The following PDE11A variants were observed in gnomAD, a reference collection of about 807,000 sequenced individuals.
PDE11A encodes dual 3',5'-cyclic-AMP and -GMP phosphodiesterase 11A.
In PDE11A, 100 loss-of-function variants were observed where a neutral mutation model predicts 100.5. The observed-to-expected ratio is 1.00, with a 90% CI of 0.85 to 1.18. PDE11A has a LOEUF of 1.18. PDE11A is among the 50% of genes most tolerant of loss of function. PDE11A has a pLI of 0.00. For synonymous variants in PDE11A, 381 were observed against 420.8 expected (o/e 0.91, Z 1.16); for missense variants, 1,141 against 1,152.6 (o/e 0.99, Z 0.15).
At chr2:178,045,897 G>A (rs2086743684) in intron 1 of PDE11A, among the ~76,000 whole-genome samples, 1 of 152,176 alleles carries the variant, frequency 6.6e-6, no homozygotes, top group Non-Finnish European at 1.5e-5. Flanking sequence ...TTCATGGACA[G>A]GAATCCAGCC....
chr2:177,959,617 G>C (rs1057263243), intron 2 of PDE11A, among the ~76,000 whole-genome samples: 1 of 152,178 alleles, frequency 6.6e-6, no homozygotes, highest in Non-Finnish European at 1.5e-5. Context: ...TGATTAATTT[G>C]AGTAGTGAGA....
intron 2 of PDE11A, among the ~76,000 whole-genome samples, chr2:177,983,293 T>C (rs768924882): frequency 4.6e-5 from 7 of 152,180 alleles, no homozygotes; most frequent in Non-Finnish European, 1.0e-4. Flanking sequence ...GTGCTAGGGA[T>C]GCACTTCTTA....
At chr2:177,925,164 A>G (rs1443653608) in intron 2 of PDE11A, among the ~76,000 whole-genome samples, 1 of 150,792 alleles carries the variant, frequency 6.6e-6, no homozygotes, top group African/African-American at 2.4e-5. Flanking sequence ...AGTCTTTGCT[A>G]TTGTGAATAA....
chr2:177,857,794 T>C (rs4324348), intron 5 of PDE11A, among the ~76,000 whole-genome samples: 31,100 of 151,966 alleles, frequency 0.2, 3,341 homozygotes, highest in Middle Eastern at 0.27. Context: ...ACAAGGGACA[T>C]ACTTTAGATT....
intron 10 of PDE11A, among the ~76,000 whole-genome samples, chr2:177,765,571 T>C (rs2082227878): frequency 6.6e-6 from 1 of 152,190 alleles, no homozygotes; most frequent in Non-Finnish European, 1.5e-5. Context: ...CTGCCACGGG[T>C]CCGTAGTGAT....
At chr2:177,785,677 C>G (rs952638253) in intron 9 of PDE11A, among the ~76,000 whole-genome samples, 8 of 152,324 alleles carry the variant, frequency 5.3e-5, no homozygotes, top group Non-Finnish European at 8.8e-5. Flanking sequence ...CGGGTCACTC[C>G]CACCCTAATA....
chr2:177,835,525 C>T (rs1322993602), intron 6 of PDE11A, among the ~76,000 whole-genome samples: 3 of 152,192 alleles, frequency 2.0e-5, no homozygotes, highest in Non-Finnish European at 4.4e-5. Flanking sequence ...TGCTGGCAGC[C>T]CTCGCTTGCT....
intron 6 of PDE11A, among the ~76,000 whole-genome samples, chr2:177,822,380 T>A (rs922010389): frequency 1.3e-5 from 2 of 151,968 alleles, no homozygotes; most frequent in East Asian, 3.8e-4. Flanking sequence ...TGTGCCATCA[T>A]TTTCATTAAT....
intron 2 of PDE11A, among the ~76,000 whole-genome samples, chr2:178,079,228 T>C (rs1364789556): frequency 1.3e-5 from 2 of 152,120 alleles, no homozygotes; most frequent in African/African-American, 4.8e-5. Context: ...GCTGCACAGA[T>C]CAACACATCA....
At chr2:177,862,713 T>A (rs192179594) in intron 5 of PDE11A, among the ~76,000 whole-genome samples, 2 of 151,954 alleles carry the variant, frequency 1.3e-5, no homozygotes, top group Non-Finnish European at 2.9e-5. Flanking sequence ...AGATATCCTA[T>A]GCTCCTGGAT....
intron 7 of PDE11A, among the ~76,000 whole-genome samples, chr2:177,819,874 C>T (rs1328101431): frequency 1.4e-5 from 2 of 140,882 alleles, no homozygotes; most frequent in African/African-American, 6.0e-5. Context: ...CTCTTTCTCT[C>T]TCTCTCTCTC....
At chr2:177,872,684 G>A (rs534751905) in intron 5 of PDE11A, among the ~76,000 whole-genome samples, 1 of 152,136 alleles carries the variant, frequency 6.6e-6, no homozygotes, top group Non-Finnish European at 1.5e-5. Context: ...GAGGACTAAA[G>A]TATCTAATAG....
Position 177,728,108 on chromosome 2 carries a change from A to G in PDE11A, c.1853T>C (p.Leu618Pro), listed in dbSNP as rs1312089486. 3 of 1,612,584 alleles carry G rather than the reference A, an allele frequency of 1.9e-6. No individual in the cohort carries two copies. The highest frequency in any genetic ancestry group is 2.5e-6 in the Non-Finnish European group (3 of 1,178,758). The stretch of plus-strand genomic sequence containing the variant: ...AGCTGTGATCATGGCATCAACGTCG[A>G]GAGAAAAGTCATCAAAATGAATGTC... ...IDDIHFDDFS[L>P]DVDAMITAAL... The change falls in exon 11 of 20, where the codon CTC (leucine) becomes CCC (proline). Residue 618 changes from leucine (L) to proline (P), a missense_variant. Transcript: ENST00000286063.
chr2:177,718,131 T>C (rs2081470325), intron 12 of PDE11A, among the ~76,000 whole-genome samples: 1 of 152,240 alleles, frequency 6.6e-6, no homozygotes, highest in Non-Finnish European at 1.5e-5. Context: ...AGTTAACTTT[T>C]ATAGTGCTTA....
intron 9 of PDE11A, among the ~76,000 whole-genome samples, chr2:177,796,138 G>C (rs2082705693): frequency 6.6e-6 from 1 of 151,706 alleles, no homozygotes; most frequent in African/African-American, 2.4e-5. Context: ...AATGAAGGCA[G>C]GTGCTGGGAT....
chr2:177,913,154 T>C (rs763599063), intron 2 of PDE11A, among the ~76,000 whole-genome samples: 1 of 152,222 alleles, frequency 6.6e-6, no homozygotes, highest in Non-Finnish European at 1.5e-5. Flanking sequence ...AAATACTCTG[T>C]TCATGGTATG....
At chr2:177,885,905 A>G (rs1392664043) in intron 4 of PDE11A, among the ~76,000 whole-genome samples, 1 of 152,218 alleles carries the variant, frequency 6.6e-6, no homozygotes, top group East Asian at 1.9e-4. Context: ...TCCAGACACT[A>G]GCCAGGTATT....
rs369222969 is a variant in PDE11A, at chr2:178,053,494, G to C, written c.912+18032C>G. On this transcript the variant is annotated intron_variant, in intron 1 of 19. Coordinates refer to ENST00000286063, the MANE Select transcript of PDE11A (RefSeq NM_016953.4). Reference sequence around the variant, plus strand: ...TCTCTCACCACTCCTATTCAACATAGTGTTGGAAGTTCTGGCCAGGGCAAT... The same window carrying C: ...TCTCTCACCACTCCTATTCAACATACTGTTGGAAGTTCTGGCCAGGGCAAT... Among the ~76,000 whole-genome samples, 3 of 152,300 alleles carry C rather than the reference G, an allele frequency of 2.0e-5. No individual in the cohort carries two copies. In the South Asian group the frequency reaches 6.2e-4, roughly 32 times the overall value.
upstream of PDE11A, among the ~76,000 whole-genome samples, chr2:178,076,234 T>C (rs1382269517): frequency 6.6e-6 from 1 of 152,204 alleles, no homozygotes; most frequent in African/African-American, 2.4e-5. Flanking sequence ...ATTGTCCAAG[T>C]AGCCTCTCAT....
Sources: allele counts gnomAD v4.1 joint callset (sites outside exome capture counted in the v4.1 genomes callset), GRCh38; gene constraint gnomAD v4.1.1; transcripts MANE v1.5; gene names NCBI Gene and HGNC (gene_info 2026-07-23, HGNC 2026-07-21).